The following ADCY8 variants were observed in gnomAD, a reference collection of about 807,000 sequenced individuals.
ADCY8 encodes adenylate cyclase 8, also known as adenylate cyclase type 8.
ADCY8 carries 51 observed loss-of-function variants against 119.7 expected under a neutral mutation model. The observed-to-expected ratio is 0.43, with a 90% CI of 0.34 to 0.54. ADCY8 has a LOEUF of 0.54. Among genes scored for constraint, ADCY8 ranks in the 20% least tolerant of loss-of-function variants. The pLI is 0.03. For missense variants in ADCY8, 1,383 were observed against 1,598.8 expected (o/e 0.87, Z 2.30); for synonymous variants, 665 against 651.0 (o/e 1.02, Z -0.33).
At position 130,884,528 on chromosome 8, in the gene ADCY8, C is replaced by T. The variant is rs993564943; in HGVS notation, c.2109+36G>A. The stretch of plus-strand genomic sequence containing the variant: ...TCCCATGAACATCTACCACAATTTA[C>T]TCAGAAAAAGAGCCGCTGTGGAGAC... On this transcript the variant is annotated intron_variant, in intron 8 of 17. Coordinates refer to ENST00000286355, the MANE Select transcript of ADCY8 (RefSeq NM_001115.3). The T allele has an allele frequency of 2.5e-6, 4 of 1,607,546 alleles. No individual in the cohort carries two copies. In the African/African-American group the frequency reaches 5.3e-5, roughly 21 times the overall value.
intron 4 of ADCY8, among the ~76,000 whole-genome samples, chr8:130,941,960 T>C (rs1820969059): frequency 6.6e-6 from 1 of 152,212 alleles, no homozygotes; most frequent in African/African-American, 2.4e-5. Flanking sequence ...TGGGGCTTCA[T>C]GCCCTCTCTC....
intron 2 of ADCY8, among the ~76,000 whole-genome samples, chr8:130,969,244 C>T (rs111807156): frequency 1.1e-3 from 166 of 152,254 alleles, no homozygotes; most frequent in African/African-American, 3.9e-3. Context: ...AAGCTGACCT[C>T]TCCCAAGCAG....
chr8:130,861,300 T>G (rs1017267932), intron 9 of ADCY8, among the ~76,000 whole-genome samples: 1 of 152,218 alleles, frequency 6.6e-6, no homozygotes, highest in Non-Finnish European at 1.5e-5. Flanking sequence ...AAAATTAACA[T>G]TTTAACAATA....
At chr8:131,031,717 C>T (rs933947233) in intron 1 of ADCY8, among the ~76,000 whole-genome samples, 4 of 152,144 alleles carry the variant, frequency 2.6e-5, no homozygotes, top group Non-Finnish European at 5.9e-5. Flanking sequence ...AAAACCTTCA[C>T]CAGATATGGT....
intron 2 of ADCY8, among the ~76,000 whole-genome samples, chr8:130,970,992 G>T (rs574363589): frequency 1.4e-4 from 21 of 152,268 alleles, no homozygotes; most frequent in African/African-American, 5.1e-4. Flanking sequence ...GATAATTTTT[G>T]TGAAGACTTG....
At chr8:130,912,281 C>A (rs1251336532) in intron 5 of ADCY8, among the ~76,000 whole-genome samples, 2 of 152,178 alleles carry the variant, frequency 1.3e-5, no homozygotes, top group African/African-American at 4.8e-5. Flanking sequence ...TCTGTATGTT[C>A]CCCTCTTAAG....
At chr8:130,797,438 T>C (rs1025234536) in intron 15 of ADCY8, among the ~76,000 whole-genome samples, 5 of 152,248 alleles carry the variant, frequency 3.3e-5, no homozygotes, top group African/African-American at 1.2e-4. Context: ...AAGTATGTTT[T>C]GAATTGCATT....
rs1820810975 is a variant in ADCY8, at chr8:130,937,122, G to A, written c.1432C>T (p.His478Tyr). The change falls in exon 5 of 18, where the codon CAT (histidine) becomes TAT (tyrosine). Residue 478 changes from histidine to tyrosine, a missense_variant. Physicochemically the swap from His to Tyr is moderately conservative, Grantham distance 83 (BLOSUM62 2). Around this residue, in one of 2 missense-constraint regions of ADCY8, gnomAD observed 928 missense variants for 1,163.5 expected, o/e 0.80. Transcript: ENST00000286355. ...VSGLPEPRQDHAHCCVEMGLS... is the reference protein window; with the variant it reads ...VSGLPEPRQDYAHCCVEMGLS... The stretch of plus-strand genomic sequence containing the variant: ...CCCATTTCAACACAGCAGTGGGCAT[G>A]GTCCTGGCGGGGCTCAGGAAGTCCA... 1 of 1,613,746 alleles carries A rather than the reference G, an allele frequency of 6.2e-7. No homozygotes were observed. Among genetic ancestry groups the A allele is most frequent in the Non-Finnish European group, 8.5e-7 (1 of 1,179,856 alleles).
At chr8:130,800,392 T>C in intron 15 of ADCY8, 34 bp downstream of exon 15, 1 of 1,612,900 alleles carries the variant, frequency 6.2e-7, no homozygotes, top group Non-Finnish European at 8.5e-7. Context: ...ACGATGCCCA[T>C]TTGTGATTGT....
chr8:130,822,933 C>T (rs1206291119), intron 12 of ADCY8, among the ~76,000 whole-genome samples: 2 of 152,150 alleles, frequency 1.3e-5, no homozygotes, highest in Non-Finnish European at 2.9e-5. Context: ...CCCCTTGCCA[C>T]CCTGTGAAGC....
intron 9 of ADCY8, among the ~76,000 whole-genome samples, chr8:130,851,712 G>A (rs1046489209): frequency 1.3e-5 from 2 of 152,152 alleles, no homozygotes; most frequent in African/African-American, 4.8e-5. Context: ...ATATTAATCT[G>A]TGTTTTGTAT....
intron 15 of ADCY8, 54 bp downstream of exon 15, chr8:130,800,372 C>T (rs550037305): frequency 8.8e-6 from 14 of 1,599,574 alleles, no homozygotes; most frequent in Middle Eastern, 3.3e-4. Flanking sequence ...AATAACACAA[C>T]GCTTTGACAA....
At chr8:130,989,165 A>T (rs970414745) in intron 2 of ADCY8, among the ~76,000 whole-genome samples, 35 of 152,338 alleles carry the variant, frequency 2.3e-4, no homozygotes, top group African/African-American at 8.4e-4. Flanking sequence ...GAATTATTTT[A>T]GGCAATAACA....
intron 8 of ADCY8, among the ~76,000 whole-genome samples, chr8:130,881,916 G>T (rs1472056328): frequency 6.6e-6 from 1 of 150,736 alleles, no homozygotes; most frequent in Non-Finnish European, 1.5e-5. Flanking sequence ...ATTCCATTTC[G>T]GAGTTTAAAT....
intron 13 of ADCY8, among the ~76,000 whole-genome samples, chr8:130,819,418 C>T (rs1307780377): frequency 2.0e-5 from 3 of 152,136 alleles, no homozygotes; most frequent in Non-Finnish European, 4.4e-5. Context: ...AAATGGAGCA[C>T]AGGATAAATC....
At position 130,925,466 on chromosome 8, in the gene ADCY8, T is replaced by G. The variant is rs527598327; in HGVS notation, c.1481+11607A>C. Among the ~76,000 whole-genome samples the G allele has an allele frequency of 5.1e-4, 77 of 152,274 alleles. 1 individual carries two copies. The highest frequency in any genetic ancestry group is 1.8e-3 in the African/African-American group (76 of 41,552). The stretch of plus-strand genomic sequence containing the variant: ...TATCCTCATTTTGCAGACGAGGCCA[T>G]GGAGGCTATAAGTTAAGTCACCCAC... On this transcript the variant is annotated intron_variant, in intron 5 of 17. Transcript: ENST00000286355.
At chr8:130,800,755 A>G (rs1459367012) in intron 14 of ADCY8, among the ~76,000 whole-genome samples, 183 bp from the exon 15 acceptor site, 1 of 152,176 alleles carries the variant, frequency 6.6e-6, no homozygotes, top group Non-Finnish European at 1.5e-5. Flanking sequence ...ATAACAAAAT[A>G]CCTTAGACTG....
At chr8:130,951,767 G>A (rs1265645838) in intron 3 of ADCY8, 101 bp downstream of exon 3, 3 of 1,427,470 alleles carry the variant, frequency 2.1e-6, no homozygotes, top group Non-Finnish European at 2.9e-6. Flanking sequence ...ATGAGGAAAG[G>A]TGCTGACATT....
At chr8:130,810,494 A>G (rs1015445117) in intron 14 of ADCY8, among the ~76,000 whole-genome samples, 5 of 152,174 alleles carry the variant, frequency 3.3e-5, no homozygotes, top group African/African-American at 4.8e-5. Context: ...GGCTTTGCAT[A>G]AAGAAAGTAG....
Sources: gnomAD v4.1 joint callset for allele counts (sites outside exome capture counted in the v4.1 genomes callset) on GRCh38, gnomAD v4.1.1 for gene constraint, gnomAD v4.1.1 regional missense constraint, MANE v1.5 for transcripts, NCBI Gene and HGNC (gene_info 2026-07-23, HGNC 2026-07-21) for gene names.